Variants in BAZ1A observed in about 807,000 individuals in gnomAD.
BAZ1A encodes the protein bromodomain adjacent to zinc finger domain 1A.
In BAZ1A, 50 loss-of-function variants were observed where a neutral mutation model predicts 185.2. The observed-to-expected ratio is 0.27, with a 90% confidence interval of 0.22 to 0.34. The LOEUF is 0.34. Ranked by LOEUF, BAZ1A falls within the 10% of genes least tolerant of loss-of-function variation. The pLI, the probability that BAZ1A is intolerant of heterozygous loss-of-function variation, is 1.00. For synonymous variants in BAZ1A, 571 were observed against 615.6 expected, an observed-to-expected ratio of 0.93 and a Z score of 1.07; for missense variants, 1,356 against 1,839.9, an observed-to-expected ratio of 0.74 and a Z score of 4.81.
chr14:34,803,998 T>A (rs894246317), intron 6 of BAZ1A, among the ~76,000 whole-genome samples: 4 of 152,276 alleles, frequency 2.6e-5, no homozygotes, highest in South Asian at 4.1e-4. Context: ...AAAGTTTTTT[T>A]AATTTTATTT....
At chr14:34,774,562 T>C (rs1879463082) in intron 18 of BAZ1A, 72 bp from the exon 19 acceptor site, 4 of 1,329,466 alleles carry the variant, frequency 3.0e-6, no homozygotes, top group Admixed American at 2.5e-5. Flanking sequence ...GTGGCTGTTA[T>C]GATCTTGAAA....
chr14:34,777,390 T>A (rs1218348998), intron 17 of BAZ1A, among the ~76,000 whole-genome samples: 1 of 152,258 alleles, frequency 6.6e-6, no homozygotes, highest in Non-Finnish European at 1.5e-5. Flanking sequence ...ATGCCTGTAA[T>A]CCCAGAACTT....
intron 3 of BAZ1A, among the ~76,000 whole-genome samples, chr14:34,834,006 T>C (rs1271567583): frequency 6.6e-6 from 1 of 152,194 alleles, no homozygotes. Flanking sequence ...CACCACTGAC[T>C]GGTAGAAATA....
At position 34,776,154 on chromosome 14, in the gene BAZ1A, T is replaced by G. The variant is rs866616945; in HGVS notation, c.2598A>C (p.Glu866Asp). The change falls in exon 18 of 27, where the codon GAA becomes GAC. Residue 866 changes from glutamate to aspartate, a missense_variant. Transcript: ENST00000360310. Reference sequence around the variant, plus strand: ...GACCTTGGTCAATGTTGGAGGTAGATTCAGACATCAAAGGCTCTCCAGTTT... The same window carrying G: ...GACCTTGGTCAATGTTGGAGGTAGAGTCAGACATCAAAGGCTCTCCAGTTT... ...STKTGEPLMS[E>D]STSNIDQGPR... 14 of 1,614,064 alleles carry G rather than the reference T, an allele frequency of 8.7e-6. No individual in the cohort carries two copies. In the Middle Eastern group the frequency reaches 1.6e-3, roughly 189 times the overall value.
chr14:34,791,250 G>A (rs1212252183), intron 12 of BAZ1A, among the ~76,000 whole-genome samples: 4 of 151,660 alleles, frequency 2.6e-5, no homozygotes, highest in Non-Finnish European at 5.9e-5. Context: ...CCTTTTTACC[G>A]TACTTTTGTT....
At chr14:34,803,116 C>T (rs577840899) in intron 6 of BAZ1A, 128 bp from the exon 7 acceptor site, 25 of 1,003,138 alleles carry the variant, frequency 2.5e-5, no homozygotes, top group Non-Finnish European at 3.4e-5. Context: ...CACAGTGGCT[C>T]ATGCCTGTAA....
At chr14:34,804,582 A>G (rs1280637629) in intron 6 of BAZ1A, among the ~76,000 whole-genome samples, 2 of 152,258 alleles carry the variant, frequency 1.3e-5, no homozygotes, top group African/African-American at 4.8e-5. Flanking sequence ...TCAAGAATCT[A>G]TCAAAATTTC....
rs1555346584 is a variant in BAZ1A at position 34,872,941 on chromosome 14, A to AAAAAAAAAAAAAAAAAAAC, written c.113+1550_113+1551insGTTTTTTTTTTTTTTTTTT. ...AAAAAAAAAAAAAAAAAAAAAAAAAACTTGTCCAATTACCTAATCCAAGTT... is the reference window on the plus strand; with the variant it reads ...AAAAAAAAAAAAAAAAAAAAAAAAAAAAAAAAAAAAAAAAAAAACCTTGTCCAATTACCTAATCCAAGTT... On this transcript the variant is annotated intron_variant, in intron 2 of 26. Transcript: ENST00000360310. Among the ~76,000 whole-genome samples the AAAAAAAAAAAAAAAAAAAC allele has an allele frequency of 3.3e-5, 4 of 122,620 alleles. 1 individual carries two copies. Among genetic ancestry groups the AAAAAAAAAAAAAAAAAAAC allele is most frequent in the African/African-American group, 6.5e-5 (2 of 30,744 alleles). 80.4% of individuals were successfully genotyped at this position (122,620 alleles called of 152,430 possible). A position where few individuals can be genotyped will look rare whatever the true frequency, so the allele number is the denominator to read the frequency against.
At chr14:34,816,078 AC>A (rs2042001803) in intron 4 of BAZ1A, among the ~76,000 whole-genome samples, 1 of 102,896 alleles carries the variant, frequency 9.7e-6, no homozygotes. Context: ...ATTATTCCAG[AC>A]CTTTTTTTTT....
intron 14 of BAZ1A, among the ~76,000 whole-genome samples, chr14:34,784,604 G>A (rs1486804202): frequency 1.1e-4 from 16 of 151,200 alleles, no homozygotes; most frequent in Admixed American, 9.2e-4. Context: ...TGCAAGCTCC[G>A]CCTTCCGGGT....
intron 3 of BAZ1A, among the ~76,000 whole-genome samples, chr14:34,839,804 C>A (rs1851726342): frequency 7.3e-6 from 1 of 137,506 alleles, no homozygotes; most frequent in Non-Finnish European, 1.5e-5. Context: ...CGTGCCACTG[C>A]ACTCCAGCCT....
intron 2 of BAZ1A, among the ~76,000 whole-genome samples, chr14:34,870,796 G>A (rs986278623): frequency 3.3e-5 from 5 of 152,206 alleles, no homozygotes; most frequent in Non-Finnish European, 5.9e-5. Context: ...TTTGGACACC[G>A]TAATCTTGGA....
chr14:34,823,534 C>A (rs538714620), intron 4 of BAZ1A, among the ~76,000 whole-genome samples: 1 of 152,116 alleles, frequency 6.6e-6, no homozygotes, highest in Admixed American at 6.5e-5. Context: ...GTGGCACATG[C>A]CTTTAATCCC....
intron 26 of BAZ1A, among the ~76,000 whole-genome samples, chr14:34,754,390 G>C (rs909545269): frequency 2.9e-5 from 4 of 139,056 alleles, no homozygotes; most frequent in Admixed American, 1.5e-4. Context: ...CTGCACTCCA[G>C]CCTGGGCAAC....
chr14:34,807,494 A>G lies in BAZ1A; in HGVS notation c.683T>C (p.Leu228Pro). ...LFSRDKLKLFLKQHCEPQDGV... is the reference protein window; with the variant it reads ...LFSRDKLKLFPKQHCEPQDGV... ...ATCTTGTGGTTCACAGTGTTGCTTC[A>G]GAAAAAGCTTTAGTTTATCACGAGA... The change falls in exon 6 of 27, where the codon CTG (leucine) becomes CCG (proline). Residue 228 changes from leucine to proline, a missense_variant. Coordinates refer to ENST00000360310, the MANE Select transcript of BAZ1A (RefSeq NM_013448.3). 6.2e-7 allele frequency: 1 copy of G among 1,613,076 alleles called. No homozygotes were observed. Among genetic ancestry groups the G allele is most frequent in the Middle Eastern group, 1.7e-4 (1 of 6,058 alleles).
chr14:34,825,694 T>C (rs1041445846), intron 4 of BAZ1A, among the ~76,000 whole-genome samples: 1 of 152,060 alleles, frequency 6.6e-6, no homozygotes, highest in South Asian at 2.1e-4. Context: ...TCCCAGCACT[T>C]TGAGGGGCCG....
chr14:34,835,899 G>C (rs899968221), intron 3 of BAZ1A, among the ~76,000 whole-genome samples: 1 of 151,522 alleles, frequency 6.6e-6, no homozygotes, highest in African/African-American at 2.4e-5. Context: ...TTGAACTCCC[G>C]ACCTCAGGTG....
chr14:34,764,832 A>G lies in BAZ1A; in HGVS notation c.3651T>C (p.Asp1217=), dbSNP rs755231907. 6.2e-7 allele frequency: 1 copy of G among 1,614,050 alleles called. No individual in the cohort carries two copies. The highest frequency in any genetic ancestry group is 8.5e-7 in the Non-Finnish European group (1 of 1,179,992). ...RQRPSLESDE[D]VEDSMGGEDD... is the part of the protein sequence containing the mutation. ...CCTCACCTCCCATACTGTCTTCCAC[A>G]TCTTCATCACTTTCCAAGGATGGTC... Residue 1217 remains aspartate (D), a synonymous_variant, in exon 23 of 27, where the codon GAT becomes GAC. Transcript: ENST00000360310.
chr14:34,869,388 T>C (rs985559273), intron 2 of BAZ1A, among the ~76,000 whole-genome samples: 37 of 152,248 alleles, frequency 2.4e-4, no homozygotes, highest in African/African-American at 8.9e-4. Flanking sequence ...GAAAAACTCA[T>C]GTTTTCAAGA....
Sources: gnomAD v4.1 joint callset for allele counts (sites outside exome capture counted in the v4.1 genomes callset) on GRCh38, gnomAD v4.1.1 for gene constraint, MANE v1.5 for transcripts, NCBI Gene and HGNC (gene_info 2026-07-23, HGNC 2026-07-21) for gene names.